Variants in SPATA17 observed in about 807,000 individuals in gnomAD.
SPATA17 encodes the protein spermatogenesis-associated protein 17.
Under a neutral mutation model 62.2 loss-of-function variants are expected in SPATA17, and 53 were observed. The ratio of observed to expected loss-of-function variants is 0.85; its 90% confidence interval spans 0.68 to 1.07. The LOEUF (loss-of-function observed/expected upper bound fraction) is 1.07. SPATA17 is among the 50% of genes least tolerant of loss of function. The pLI, the probability that SPATA17 is intolerant of heterozygous loss-of-function variation, is 0.00. For synonymous variants in SPATA17, 146 were observed against 146.8 expected (o/e 0.99, Z 0.04); for missense variants, 466 against 425.5 (o/e 1.10, Z -0.84).
intron 5 of SPATA17, among the ~76,000 whole-genome samples, chr1:217,715,528 T>C (rs1363191987): frequency 6.6e-6 from 1 of 152,196 alleles, no homozygotes; most frequent in Non-Finnish European, 1.5e-5. Context: ...GTAGTGCTGA[T>C]GAAATATCAC....
At chr1:217,843,313 A>G (rs2103007892) in intron 9 of SPATA17, among the ~76,000 whole-genome samples, 1 of 152,118 alleles carries the variant, frequency 6.6e-6, no homozygotes, top group East Asian at 1.9e-4. Context: ...CTTCTTCCTG[A>G]AACACTAAAA....
chr1:217,810,226 A>T (rs1305291114), intron 9 of SPATA17, among the ~76,000 whole-genome samples: 1 of 152,252 alleles, frequency 6.6e-6, no homozygotes, highest in African/African-American at 2.4e-5. Flanking sequence ...TTGGATACAC[A>T]GTAAAAAGAA....
intron 8 of SPATA17, among the ~76,000 whole-genome samples, chr1:217,788,406 C>T (rs1031405806): frequency 6.6e-6 from 1 of 152,118 alleles, no homozygotes; most frequent in Non-Finnish European, 1.5e-5. Context: ...TCTACATGTC[C>T]TAATCCTCGC....
chr1:217,649,590 T>C (rs1373486800), intron 2 of SPATA17, among the ~76,000 whole-genome samples: 2 of 152,188 alleles, frequency 1.3e-5, no homozygotes, highest in South Asian at 4.1e-4. Flanking sequence ...AATAAATTCA[T>C]TGACTGGTAA....
Position 217,871,146 on chromosome 1 carries a change from G to A in SPATA17, c.*4127G>A, listed in dbSNP as rs1228107240. ...AAGCTATGATTGCTGCTTGCGTAAA[G>A]TGTTCCTTTTGGGAAATAAATAATC... On this transcript the variant is annotated 3_prime_UTR_variant, in exon 11 of 11. Coordinates refer to ENST00000366933, the MANE Select transcript of SPATA17 (RefSeq NM_138796.4). 5.9e-5 allele frequency: 9 copies of A among 152,134 alleles called. No individual in the cohort carries two copies. Among genetic ancestry groups the A allele is most frequent in the Non-Finnish European group, 2.9e-5 (2 of 68,022 alleles). The allele number at this position is 152,134 out of a possible 1,614,324, so 9.4% of individuals were successfully genotyped here.
chr1:217,742,692 G>A (rs2102948669), intron 6 of SPATA17, among the ~76,000 whole-genome samples: 1 of 152,244 alleles, frequency 6.6e-6, no homozygotes, highest in African/African-American at 2.4e-5. Flanking sequence ...TACATGTCAT[G>A]TGGAATAGTC....
At chr1:217,858,369 A>G (rs772314667) in intron 9 of SPATA17, among the ~76,000 whole-genome samples, 5 of 152,198 alleles carry the variant, frequency 3.3e-5, no homozygotes, top group Non-Finnish European at 7.3e-5. Flanking sequence ...GGAATGAGAG[A>G]GGAAAATACT....
intron 5 of SPATA17, among the ~76,000 whole-genome samples, chr1:217,726,713 G>A (rs756253186): frequency 7.2e-6 from 1 of 139,524 alleles, no homozygotes; most frequent in East Asian, 2.0e-4. Flanking sequence ...CCATATTTTT[G>A]TGTGTTTTTT....
chr1:217,638,998 T>C (rs1226721978), intron 1 of SPATA17, among the ~76,000 whole-genome samples: 1 of 152,084 alleles, frequency 6.6e-6, no homozygotes, highest in Non-Finnish European at 1.5e-5. Context: ...TAATAGTTAC[T>C]GCAGAATTCT....
At chr1:217,808,062 G>A (rs1442996391) in intron 9 of SPATA17, among the ~76,000 whole-genome samples, 1 of 152,120 alleles carries the variant, frequency 6.6e-6, no homozygotes, top group East Asian at 1.9e-4. Flanking sequence ...CTTTAATAAA[G>A]AGCCATACGT....
At chr1:217,805,018 A>G (rs1439692598) in intron 9 of SPATA17, among the ~76,000 whole-genome samples, 1 of 152,206 alleles carries the variant, frequency 6.6e-6, no homozygotes, top group African/African-American at 2.4e-5. Flanking sequence ...AAATCCAGCA[A>G]TCCTATTTCT....
intron 6 of SPATA17, among the ~76,000 whole-genome samples, chr1:217,753,208 G>A (rs1672957826): frequency 6.6e-6 from 1 of 152,168 alleles, no homozygotes; most frequent in Non-Finnish European, 1.5e-5. Context: ...ATGAAAGCAA[G>A]GGGCCCCAAA....
At chr1:217,689,108 G>A (rs1280431494) in intron 5 of SPATA17, among the ~76,000 whole-genome samples, 1 of 151,580 alleles carries the variant, frequency 6.6e-6, no homozygotes, top group Non-Finnish European at 1.5e-5. Context: ...TAGGTTAAAT[G>A]TTGTGGATAC....
At chr1:217,720,762 G>GTATTCT (rs1672108732) in intron 5 of SPATA17, among the ~76,000 whole-genome samples, 2 of 152,146 alleles carry the variant, frequency 1.3e-5, no homozygotes, top group Non-Finnish European at 2.9e-5. Flanking sequence ...AGTAAATACT[G>GTATTCT]GGAGAAGTCA....
intron 6 of SPATA17, among the ~76,000 whole-genome samples, chr1:217,759,126 A>G (rs1420878045): frequency 1.3e-5 from 2 of 152,196 alleles, no homozygotes; most frequent in African/African-American, 4.8e-5. Context: ...AGTTTATGAT[A>G]ACTACAATAG....
At chr1:217,774,027 C>G (rs1375556965) in intron 6 of SPATA17, among the ~76,000 whole-genome samples, 2 of 152,054 alleles carry the variant, frequency 1.3e-5, no homozygotes, top group Non-Finnish European at 2.9e-5. Flanking sequence ...TAGAGTCTTA[C>G]TGTAATTTTT....
chr1:217,745,955 T>C (rs1672738499), intron 6 of SPATA17, among the ~76,000 whole-genome samples: 2 of 152,210 alleles, frequency 1.3e-5, no homozygotes, highest in South Asian at 4.1e-4. Context: ...GACACACATT[T>C]CAATCTGAGT....
intron 9 of SPATA17, among the ~76,000 whole-genome samples, chr1:217,803,804 G>A (rs1674370143): frequency 6.6e-6 from 1 of 152,148 alleles, no homozygotes; most frequent in Non-Finnish European, 1.5e-5. Context: ...GATCACTTGA[G>A]ATCAGGAGTT....
At chr1:217,700,762 C>CT (rs71556698) in intron 5 of SPATA17, among the ~76,000 whole-genome samples, 45,161 of 134,660 alleles carry the variant, frequency 0.34, 8,104 homozygotes, top group Non-Finnish European at 0.41. Flanking sequence ...TTTTCTTTTT[C>CT]TTTTTTTTTT....
Sources: gnomAD v4.1 joint callset for allele counts (sites outside exome capture counted in the v4.1 genomes callset) on GRCh38, gnomAD v4.1.1 for gene constraint, MANE v1.5 for transcripts, NCBI Gene and HGNC (gene_info 2026-07-23, HGNC 2026-07-21) for gene names.